The following HDAC9 variants were observed in gnomAD, a reference collection of about 807,000 sequenced individuals.
The protein encoded by HDAC9 is MEF-2 interacting transcription repressor (MITR) protein.
HDAC9 carries 41 observed loss-of-function variants against 139.4 expected under a neutral mutation model. That is an observed-to-expected ratio of 0.29 (90% CI 0.23 to 0.38). HDAC9 has a LOEUF of 0.38. HDAC9 is among the 10% of genes least tolerant of loss of function. The probability of loss-of-function intolerance (pLI) is 1.00; values close to 1 mark genes in which losing one functional copy is unlikely to be tolerated. For missense variants in HDAC9, 1,147 were observed against 1,297.0 expected (o/e 0.88, Z 1.78); for synonymous variants, 517 against 476.2 (o/e 1.09, Z -1.12).
chr7:18,374,478 A>T (rs1475081380), intron 1 of HDAC9, among the ~76,000 whole-genome samples: 2 of 151,998 alleles, frequency 1.3e-5, no homozygotes, highest in Non-Finnish European at 2.9e-5. Context: ...TAGGCTACAA[A>T]CCTGTACAGC....
intron 2 of HDAC9, among the ~76,000 whole-genome samples, chr7:18,215,363 A>G (rs1389292339): frequency 6.6e-6 from 1 of 152,138 alleles, no homozygotes; most frequent in Non-Finnish European, 1.5e-5. Flanking sequence ...AGAGCCAACA[A>G]GGCCTATGCA....
intron 22 of HDAC9, among the ~76,000 whole-genome samples, chr7:18,927,862 G>T (rs867761800): frequency 3.9e-5 from 6 of 152,278 alleles, no homozygotes; most frequent in Middle Eastern, 3.4e-3. Flanking sequence ...GATGGAGGTT[G>T]CCAGAATCAT....
At chr7:18,312,257 A>G (rs79145201) in intron 1 of HDAC9, among the ~76,000 whole-genome samples, 21,375 of 152,098 alleles carry the variant, frequency 0.14, 2,055 homozygotes, top group Middle Eastern at 0.23. Context: ...CTATTTCTCC[A>G]TCTTTTCCTT....
At chr7:18,151,522 G>A (rs1218246625) in intron 1 of HDAC9, among the ~76,000 whole-genome samples, 2 of 152,186 alleles carry the variant, frequency 1.3e-5, no homozygotes, top group African/African-American at 4.8e-5. Flanking sequence ...TGTCTTTGCA[G>A]CCTCCTTGAT....
chr7:18,594,501 G>T (rs1055231595), intron 6 of HDAC9, among the ~76,000 whole-genome samples: 1 of 151,964 alleles, frequency 6.6e-6, no homozygotes, highest in Non-Finnish European at 1.5e-5. Flanking sequence ...TAAGGCCAAA[G>T]CTACCTTCTG....
intron 21 of HDAC9, among the ~76,000 whole-genome samples, chr7:18,860,354 AT>A (rs1798016485): frequency 6.6e-6 from 1 of 152,090 alleles, no homozygotes; most frequent in African/African-American, 2.4e-5. Context: ...TTTTACTGTC[AT>A]TTGTGTTCTA....
chr7:18,869,150 G>GTC (rs1310854657), intron 21 of HDAC9, among the ~76,000 whole-genome samples: 1 of 67,724 alleles, frequency 1.5e-5, no homozygotes, highest in Non-Finnish European at 3.1e-5. Flanking sequence ...CAATTGGGGT[G>GTC]TGTGTGTGTG....
chr7:18,184,623 G>C (rs1468237911), intron 2 of HDAC9, among the ~76,000 whole-genome samples: 1 of 152,064 alleles, frequency 6.6e-6, no homozygotes, highest in Non-Finnish European at 1.5e-5. Flanking sequence ...TTCAGATTTT[G>C]GAATATTTTG....
chr7:18,362,260 A>G (rs377370033), intron 1 of HDAC9, among the ~76,000 whole-genome samples: 59 of 152,296 alleles, frequency 3.9e-4, no homozygotes, highest in African/African-American at 1.1e-3. Context: ...GTAGGATTCT[A>G]TTGTCACAGA....
intron 1 of HDAC9, among the ~76,000 whole-genome samples, chr7:18,459,266 T>C (rs1413834339): frequency 6.6e-6 from 1 of 152,158 alleles, no homozygotes; most frequent in Non-Finnish European, 1.5e-5. Flanking sequence ...TTTTAACAGA[T>C]AAACCAGACT....
At chr7:18,994,200 G>A (rs1160410424) in intron 25 of HDAC9, among the ~76,000 whole-genome samples, 1 of 152,072 alleles carries the variant, frequency 6.6e-6, no homozygotes, top group Non-Finnish European at 1.5e-5. Context: ...CTGAATCCTG[G>A]ATTCGGGGGA....
chr7:18,201,629 C>G (rs1791134224), intron 2 of HDAC9, among the ~76,000 whole-genome samples: 1 of 152,200 alleles, frequency 6.6e-6, no homozygotes, highest in South Asian at 2.1e-4. Flanking sequence ...GCCTCTTTCT[C>G]AAGTCTGGCC....
chr7:18,741,421 C>T (rs902563777), intron 13 of HDAC9, among the ~76,000 whole-genome samples: 2 of 152,138 alleles, frequency 1.3e-5, no homozygotes, highest in Non-Finnish European at 2.9e-5. Flanking sequence ...GCCTGGGTGA[C>T]AGCATATCCG....
rs1406158613 is a variant in HDAC9 at position 18,750,867 on chromosome 7, C to T, written c.2043+1729C>T. 2.6e-5 allele frequency among the ~76,000 whole-genome samples: 4 copies of T among 152,306 alleles called. No homozygotes were observed. In the South Asian group the frequency reaches 6.2e-4, roughly 24 times the overall value. On this transcript the variant is annotated intron_variant, in intron 14 of 25. Transcript: ENST00000686413. The stretch of plus-strand genomic sequence containing the variant: ...TTTTGTGTGCTTTTGCCAGCTGAGG[C>T]ATTGCTGCTTACATTTTTTCACATT...
At chr7:18,896,894 A>G (rs1801251326) in intron 22 of HDAC9, among the ~76,000 whole-genome samples, 1 of 152,006 alleles carries the variant, frequency 6.6e-6, no homozygotes, top group Non-Finnish European at 1.5e-5. Flanking sequence ...GAAATAGTGA[A>G]GGTAAATAAA....
chr7:18,367,240 A>G (rs1784253960), intron 1 of HDAC9, among the ~76,000 whole-genome samples: 1 of 152,108 alleles, frequency 6.6e-6, no homozygotes, highest in African/African-American at 2.4e-5. Context: ...ACTCAGATGC[A>G]TAGAGAAGGC....
intron 1 of HDAC9, among the ~76,000 whole-genome samples, chr7:18,108,333 G>T (rs1562627565): frequency 1.3e-5 from 2 of 152,104 alleles, no homozygotes; most frequent in South Asian, 2.1e-4. Context: ...ATGGAGATGG[G>T]CGCCATCATG....
intron 5 of HDAC9, among the ~76,000 whole-genome samples, chr7:18,591,986 A>AT (rs1177166678): frequency 6.6e-6 from 1 of 152,088 alleles, no homozygotes; most frequent in Non-Finnish European, 1.5e-5. Context: ...AGAAATTTGT[A>AT]TTTTGCATTT....
At chr7:18,264,630 C>G (rs1295760836) in intron 2 of HDAC9, among the ~76,000 whole-genome samples, 3 of 152,122 alleles carry the variant, frequency 2.0e-5, no homozygotes, top group African/African-American at 7.2e-5. Flanking sequence ...CATTAAAAGG[C>G]TAACAATTAA....
Sources: gnomAD v4.1 joint callset for allele counts (sites outside exome capture counted in the v4.1 genomes callset) on GRCh38, gnomAD v4.1.1 for gene constraint, MANE v1.5 for transcripts, NCBI Gene and HGNC (gene_info 2026-07-23, HGNC 2026-07-21) for gene names.